The following RAB30 variants were observed in gnomAD, a reference collection of about 807,000 sequenced individuals.
RAB30 encodes RAB30, member RAS oncogene family, also known as ras-related protein Rab-30.
Under a neutral mutation model 25.1 loss-of-function variants are expected in RAB30, and 9 were observed. That is an observed-to-expected ratio of 0.36 (90% CI 0.22 to 0.63). The LOEUF is 0.63. RAB30 is among the 20% of genes least tolerant of loss of function. The probability of loss-of-function intolerance (pLI) is 0.69; values close to 1 mark genes in which losing one functional copy is unlikely to be tolerated. For synonymous variants in RAB30, 77 were observed against 86.4 expected (o/e 0.89, Z 0.60); for missense variants, 140 against 243.5 (o/e 0.58, Z 2.83).
At chr11:82,989,308 G>A (rs1380176174) in intron 3 of RAB30, among the ~76,000 whole-genome samples, 1 of 152,178 alleles carries the variant, frequency 6.6e-6, no homozygotes, top group Non-Finnish European at 1.5e-5. Flanking sequence ...CAAAGAGGAT[G>A]AATCCATTGC....
chr11:83,046,702 C>T (rs1344756098), intron 1 of RAB30, among the ~76,000 whole-genome samples: 1 of 152,018 alleles, frequency 6.6e-6, no homozygotes, highest in East Asian at 1.9e-4. Flanking sequence ...ACTTTGTTGC[C>T]CAAGCTGGTC....
At chr11:83,044,894 C>T (rs1858203179) in intron 1 of RAB30, among the ~76,000 whole-genome samples, 1 of 152,130 alleles carries the variant, frequency 6.6e-6, no homozygotes, top group African/African-American at 2.4e-5. Flanking sequence ...AGAGAATCTT[C>T]CAGTTATCTC....
intron 1 of RAB30, among the ~76,000 whole-genome samples, chr11:83,001,389 G>A (rs1411625565): frequency 6.6e-6 from 1 of 152,012 alleles, no homozygotes; most frequent in Admixed American, 6.6e-5. Context: ...ATGTTACCCA[G>A]GGCTTGTCCT....
intron 1 of RAB30, among the ~76,000 whole-genome samples, chr11:83,014,934 T>G (rs1857403746): frequency 6.6e-6 from 1 of 151,782 alleles, no homozygotes; most frequent in African/African-American, 2.4e-5. Flanking sequence ...GATCAGCAAG[T>G]ACAGGGGCCC....
rs2121508981 is a variant in RAB30, at chr11:83,018,029, G to C, written c.-8-20705C>G. On this transcript the variant is annotated intron_variant, in intron 1 of 4. Coordinates refer to ENST00000527633, the MANE Select transcript of RAB30 (RefSeq NM_001286060.2). Reference sequence around the variant, plus strand: ...AAGTGTTTCATTTTCCACTGGGCATGGTGGCTCACGCCTGTAATCCCAGAA... The same window carrying C: ...AAGTGTTTCATTTTCCACTGGGCATCGTGGCTCACGCCTGTAATCCCAGAA... Among the ~76,000 whole-genome samples, 3 of 152,312 alleles carry C rather than the reference G, an allele frequency of 2.0e-5. No individual in the cohort carries two copies. In the Middle Eastern group the frequency reaches 0.01, roughly 518 times the overall value.
intron 1 of RAB30, among the ~76,000 whole-genome samples, chr11:83,011,782 C>A (rs1171778819): frequency 3.3e-5 from 5 of 152,178 alleles, no homozygotes; most frequent in African/African-American, 1.2e-4. Flanking sequence ...GGTAGCTGGG[C>A]AGCAGCTGCT....
At position 83,048,359 on chromosome 11, in the gene RAB30, C is replaced by A. The variant is rs536562909; in HGVS notation, c.-9+23332G>T. Among the ~76,000 whole-genome samples the A allele has an allele frequency of 4.3e-4, 66 of 151,964 alleles. 1 individual carries two copies. The South Asian group carries it at 0.013, about 31-fold the overall frequency. On this transcript the variant is annotated intron_variant, in intron 1 of 4. Coordinates refer to ENST00000527633, the MANE Select transcript of RAB30 (RefSeq NM_001286060.2). ...TGGTGGCACATGCCTGTAGTCCCAG[C>A]TGCCCAGGAGGCTGAGGTGGGAGAA...
chr11:83,061,147 G>A (rs1187130362), intron 1 of RAB30, among the ~76,000 whole-genome samples: 1 of 152,162 alleles, frequency 6.6e-6, no homozygotes, highest in African/African-American at 2.4e-5. Flanking sequence ...CTCATAGACA[G>A]CCTGTCATGG....
At chr11:83,055,972 AT>A (rs536495690) in intron 1 of RAB30, among the ~76,000 whole-genome samples, 1 of 152,238 alleles carries the variant, frequency 6.6e-6, no homozygotes, top group Non-Finnish European at 1.5e-5. Context: ...AGTCTCAGAT[AT>A]TTTGCTATAG....
intron 1 of RAB30, among the ~76,000 whole-genome samples, chr11:83,021,592 C>T (rs1019297097): frequency 6.6e-6 from 1 of 152,264 alleles, no homozygotes; most frequent in East Asian, 1.9e-4. Context: ...ACTCACACAC[C>T]TCTCTCTGCT....
intron 1 of RAB30, among the ~76,000 whole-genome samples, chr11:83,056,278 G>A (rs963228316): frequency 2.0e-5 from 3 of 152,138 alleles, no homozygotes; most frequent in African/African-American, 7.2e-5. Flanking sequence ...CATACAAAAT[G>A]TGTTTTTTTG....
chr11:82,994,636 G>T (rs1457667671), intron 2 of RAB30, among the ~76,000 whole-genome samples: 1 of 152,156 alleles, frequency 6.6e-6, no homozygotes, highest in Non-Finnish European at 1.5e-5. Flanking sequence ...TAAGAACTCA[G>T]CATGAGAAGC....
intron 4 of RAB30, among the ~76,000 whole-genome samples, chr11:82,986,157 T>C (rs977883633): frequency 1.3e-5 from 2 of 152,212 alleles, no homozygotes; most frequent in Admixed American, 6.5e-5. Flanking sequence ...CTATTAGAGA[T>C]ATACACAGAT....
intron 4 of RAB30, among the ~76,000 whole-genome samples, chr11:82,983,018 A>G (rs1175845668): frequency 6.6e-6 from 1 of 152,176 alleles, no homozygotes; most frequent in Non-Finnish European, 1.5e-5. Flanking sequence ...GTATTTCTAT[A>G]TACTGCCATG....
intron 1 of RAB30, among the ~76,000 whole-genome samples, chr11:83,018,001 TA>T (rs1335368036): frequency 3.9e-5 from 6 of 152,202 alleles, no homozygotes; most frequent in African/African-American, 1.4e-4. Context: ...ACCAGCAGTG[TA>T]AAAGTGTTTC....
chr11:83,010,313 T>C (rs1472282280), intron 1 of RAB30, among the ~76,000 whole-genome samples: 1 of 152,154 alleles, frequency 6.6e-6, no homozygotes, highest in Admixed American at 6.5e-5. Flanking sequence ...TAGCCAGGTG[T>C]GGTGTCATAT....
At chr11:83,058,065 T>C (rs1277045815) in intron 1 of RAB30, among the ~76,000 whole-genome samples, 1 of 152,216 alleles carries the variant, frequency 6.6e-6, no homozygotes, top group Non-Finnish European at 1.5e-5. Context: ...CCTCTTTATT[T>C]TTAATTAATT....
chr11:83,068,080 T>C (rs924336550), intron 1 of RAB30, among the ~76,000 whole-genome samples: 2 of 147,370 alleles, frequency 1.4e-5, no homozygotes, highest in African/African-American at 5.0e-5. Context: ...GCTGTGATCA[T>C]GCCACTGCAC....
At position 82,973,618 on chromosome 11, in the gene RAB30, G is replaced by A. The variant is rs1196297694; in HGVS notation, c.*8547C>T. The A allele has an allele frequency of 6.6e-6, 1 of 152,182 alleles. No homozygotes were observed. Among genetic ancestry groups the A allele is most frequent in the Admixed American group, 6.5e-5 (1 of 15,276 alleles). The allele number at this position is 152,182 out of a possible 1,614,324, so 9.4% of individuals were successfully genotyped here. ...GGCTCATAGAAAAATTCTTATGGAT[G>A]TATTGGGGAGTTAGTCTTTATTCAG... On this transcript the variant is annotated 3_prime_UTR_variant, in exon 5 of 5. Transcript: ENST00000527633.
Sources: allele counts gnomAD v4.1 joint callset (sites outside exome capture counted in the v4.1 genomes callset), GRCh38; gene constraint gnomAD v4.1.1; transcripts MANE v1.5; gene names NCBI Gene and HGNC (gene_info 2026-07-23, HGNC 2026-07-21).